The following VWF variants were observed in gnomAD, a reference collection of about 807,000 sequenced individuals.
VWF encodes the protein von Willebrand factor.
In VWF, 176 loss-of-function variants were observed where a neutral mutation model predicts 308.6. That is an observed-to-expected ratio of 0.57 (90% CI 0.50 to 0.65). VWF has a LOEUF of 0.65. VWF is among the 30% of genes least tolerant of loss of function. The pLI, the probability that VWF is intolerant of heterozygous loss-of-function variation, is 0.00. For missense variants in VWF, 3,146 were observed against 3,648.2 expected (o/e 0.86, Z 3.55); for synonymous variants, 1,385 against 1,443.4 (o/e 0.96, Z 0.92).
chr12:6,030,581 G>T (rs1243213719), intron 21 of VWF, among the ~76,000 whole-genome samples: 1 of 152,110 alleles, frequency 6.6e-6, no homozygotes, highest in Non-Finnish European at 1.5e-5. Context: ...AGGTTCCTGG[G>T]CCCCACCCAG....
At chr12:5,958,668 G>A (rs12302827) in intron 47 of VWF, among the ~76,000 whole-genome samples, 7,455 of 152,114 alleles carry the variant, frequency 0.049, 642 homozygotes, top group African/African-American at 0.17. Flanking sequence ...CAGCCTGGAA[G>A]ACAGAGTGAG....
intron 18 of VWF, among the ~76,000 whole-genome samples, chr12:6,038,818 G>A (rs576545652): frequency 1.3e-5 from 2 of 152,356 alleles, no homozygotes; most frequent in Middle Eastern, 3.4e-3. Flanking sequence ...AGCTGGAGAG[G>A]AGACAAAACA....
chr12:6,065,090 G>A, intron 11 of VWF, 47 bp downstream of exon 11: 1 of 1,613,290 alleles, frequency 6.2e-7, no homozygotes, highest in Non-Finnish European at 8.5e-7. Flanking sequence ...CAGCTATGCA[G>A]CACCTTGGGC....
intron 6 of VWF, among the ~76,000 whole-genome samples, chr12:6,083,670 A>G (rs189455547): frequency 6.6e-6 from 1 of 152,308 alleles, no homozygotes; most frequent in East Asian, 1.9e-4. Flanking sequence ...TCCAGGAGCT[A>G]TTCTCCCCTT....
intron 6 of VWF, among the ~76,000 whole-genome samples, chr12:6,078,573 C>G (rs897920460): frequency 6.6e-6 from 1 of 152,192 alleles, no homozygotes; most frequent in Admixed American, 6.5e-5. Context: ...CTAGAGAAAA[C>G]CTCAAAAATG....
At chr12:6,083,349 T>A (rs1431193743) in intron 6 of VWF, among the ~76,000 whole-genome samples, 1 of 152,152 alleles carries the variant, frequency 6.6e-6, no homozygotes, top group Non-Finnish European at 1.5e-5. Context: ...AGTGGGCAGA[T>A]CACTTGAGTC....
chr12:6,002,689 CAA>C (rs1480448343), intron 34 of VWF, among the ~76,000 whole-genome samples: 1 of 151,828 alleles, frequency 6.6e-6, no homozygotes, highest in Non-Finnish European at 1.5e-5. Context: ...AAAAAAGAAA[CAA>C]AAAACAAAAT....
rs61749388 is a variant in VWF, at chr12:6,019,495, C to A, written c.3923G>T (p.Arg1308Leu). 6.2e-7 allele frequency: 1 copy of A among 1,613,944 alleles called. No homozygotes were observed. The highest frequency in any genetic ancestry group is 8.5e-7 in the Non-Finnish European group (1 of 1,179,868). Residue 1308 changes from arginine (R) to leucine (L), a missense_variant, in exon 28 of 52, where the codon CGC becomes CTC. By Grantham distance (102) the Arg-to-Leu change is moderately radical. Transcript: ENST00000261405. The surrounding 1 kb of genome is among the most constrained non-coding windows in gnomAD (Gnocchi z 5.8). ...CACGCGGACCCACTTCTGGGAGATG[C>A]GCAGCCGCTCCATCATGTCCACCAC... ...AFVVDMMERL[R>L]ISQKWVRVAV...
At chr12:6,013,334 G>A in intron 32 of VWF, 147 bp downstream of exon 32, 7 of 999,640 alleles carry the variant, frequency 7.0e-6, no homozygotes, top group Middle Eastern at 3.2e-4. Context: ...GAAACTTAAA[G>A]GTCCTGGTCT....
chr12:5,967,633 C>G (rs766121490), intron 46 of VWF, 31 bp from the exon 47 acceptor site: 1 of 1,593,278 alleles, frequency 6.3e-7, no homozygotes, highest in Non-Finnish European at 8.6e-7. Context: ...GTCAGGCCCC[C>G]CAGCATCCCC....
In VWF at chr12:6,063,372, G is replaced by A. The variant is rs1225319344; in HGVS notation, c.1433-318C>T. Among the ~76,000 whole-genome samples, 1 of 152,142 alleles carries A rather than the reference G, an allele frequency of 6.6e-6. No homozygotes were observed. Among genetic ancestry groups the A allele is most frequent in the Admixed American group, 6.5e-5 (1 of 15,278 alleles). ...TGTAGGCAGGTGCCCTGGAGCAGAG[G>A]GGGATCTCTTTAGCATTGACACCAC... On this transcript the variant is annotated intron_variant, in intron 12 of 51. Transcript: ENST00000261405. This position sits in a 1 kb window ranked among gnomAD's most constrained non-coding sequence, Gnocchi z 4.9.
intron 5 of VWF, chr12:6,095,792 A>C: frequency 1.6e-6 from 1 of 631,968 alleles, no homozygotes; most frequent in Non-Finnish European, 2.7e-6. Context: ...TTTTGACTTG[A>C]CCCATCTCTG....
Position 5,996,071 on chromosome 12 carries a change from C to T in VWF, c.5994G>A (p.Arg1998=). The T allele has an allele frequency of 6.2e-7, 1 of 1,613,978 alleles. No individual in the cohort carries two copies. Among genetic ancestry groups the T allele is most frequent in the South Asian group, 1.1e-5 (1 of 91,064 alleles). The change falls in exon 35 of 52, where the codon AGG becomes AGA. Residue 1998 remains arginine, a synonymous_variant. Transcript: ENST00000261405. ...CCTCGATGGATTTCATGCAGCCCTG[C>T]CTTGCTCCAGGGCTGCAGGCACCAT... The part of the protein sequence containing the change: ...LHNGACSPGA[R]QGCMKSIEVK...
At chr12:6,055,957 A>G (rs985870987) in intron 15 of VWF, among the ~76,000 whole-genome samples, 12 of 151,904 alleles carry the variant, frequency 7.9e-5, no homozygotes, top group African/African-American at 2.9e-4. Flanking sequence ...TTACCCTAAA[A>G]AACAGAATAT....
At position 6,058,290 on chromosome 12, in the gene VWF, T is replaced by C. The variant is rs1944613502; in HGVS notation, c.1534-246A>G. Among the ~76,000 whole-genome samples, 1 of 152,020 alleles carries C rather than the reference T, an allele frequency of 6.6e-6. No individual in the cohort carries two copies. The highest frequency in any genetic ancestry group is 6.5e-5 in the Admixed American group (1 of 15,278). On this transcript the variant is annotated intron_variant, in intron 13 of 51. Transcript: ENST00000261405. This position sits in a 1 kb window ranked among gnomAD's most constrained non-coding sequence, Gnocchi z 4.9. Reference sequence around the variant, plus strand: ...AGAGCCCTGTACTGCCACAAGAGATTTTAGAAATTATCAGATCATCTAAGG... The same window carrying C: ...AGAGCCCTGTACTGCCACAAGAGATCTTAGAAATTATCAGATCATCTAAGG...
intron 34 of VWF, among the ~76,000 whole-genome samples, chr12:6,006,071 C>T (rs1190548600): frequency 1.3e-5 from 2 of 152,034 alleles, no homozygotes; most frequent in East Asian, 1.9e-4. Flanking sequence ...TTAATGAATA[C>T]ACAACATTAA....
chr12:6,030,303 T>C lies in VWF; in HGVS notation c.2821-815A>G, dbSNP rs138806058. ...ACTCTGCCCTAAATAGAGCTGTTCT[T>C]TGAAATGCAGTTGACACTGCTGACT... On this transcript the variant is annotated intron_variant, in intron 21 of 51. Coordinates refer to ENST00000261405, the MANE Select transcript of VWF (RefSeq NM_000552.5). Among the ~76,000 whole-genome samples, 3 of 152,366 alleles carry C rather than the reference T, an allele frequency of 2.0e-5. No homozygotes were observed. In the East Asian group the frequency reaches 5.8e-4, roughly 29 times the overall value.
chr12:6,075,819 G>A lies in VWF; in HGVS notation c.658-268C>T, dbSNP rs995877109. On this transcript the variant is annotated intron_variant, in intron 6 of 51. Transcript: ENST00000261405. This position sits in a 1 kb window ranked among gnomAD's most constrained non-coding sequence, Gnocchi z 4.7. ...GTCCAAGGCCCTGGATTGCCATGGT[G>A]GGCAGTGTCCTAGGAACGGACAGAG... Among the ~76,000 whole-genome samples, 1 of 152,218 alleles carries A rather than the reference G, an allele frequency of 6.6e-6. No individual in the cohort carries two copies. The highest frequency in any genetic ancestry group is 1.5e-5 in the Non-Finnish European group (1 of 68,042).
At chr12:6,118,539 A>G (rs1945394356) in intron 3 of VWF, among the ~76,000 whole-genome samples, 1 of 151,614 alleles carries the variant, frequency 6.6e-6, no homozygotes, top group Non-Finnish European at 1.5e-5. Flanking sequence ...GGCACCCACC[A>G]CAACGCCTGG....
Sources: gnomAD v4.1 joint callset for allele counts (sites outside exome capture counted in the v4.1 genomes callset) on GRCh38, gnomAD v4.1.1 for gene constraint, Gnocchi (gnomAD v3.1) non-coding constraint, MANE v1.5 for transcripts, NCBI Gene and HGNC (gene_info 2026-07-23, HGNC 2026-07-21) for gene names.